Variants in FGF12 observed in about 807,000 individuals in gnomAD.
FGF12 encodes fibroblast growth factor 12B.
Under a neutral mutation model 23.6 loss-of-function variants are expected in FGF12, and 14 were observed. The ratio of observed to expected loss-of-function variants is 0.59; its 90% CI spans 0.39 to 0.93. The LOEUF (loss-of-function observed/expected upper bound fraction) is 0.93. Among genes scored for constraint, FGF12 ranks in the 40% least tolerant of loss-of-function variants. The pLI, the probability that FGF12 is intolerant of heterozygous loss-of-function variation, is 0.00. For missense variants in FGF12, 175 were observed against 217.8 expected, an observed-to-expected ratio of 0.80 and a Z score of 1.24; for synonymous variants, 62 against 77.3, an observed-to-expected ratio of 0.80 and a Z score of 1.04.
intron 2 of FGF12, among the ~76,000 whole-genome samples, chr3:192,368,064 C>A (rs569550962): frequency 6.6e-6 from 1 of 152,016 alleles, no homozygotes; most frequent in Admixed American, 6.6e-5. Context: ...AAGGGATAAT[C>A]GGTGCATGCT....
At chr3:192,419,607 G>A (rs1273425354) in intron 2 of FGF12, among the ~76,000 whole-genome samples, 1 of 152,128 alleles carries the variant, frequency 6.6e-6, no homozygotes, top group Non-Finnish European at 1.5e-5. Flanking sequence ...AATGATTAAG[G>A]TCAGCATTGC....
chr3:192,181,757 A>G, intron 4 of FGF12, among the ~76,000 whole-genome samples: 1 of 151,394 alleles, frequency 6.6e-6, no homozygotes. Context: ...CAGCCTCCCA[A>G]GTAGCTGGGA....
intron 2 of FGF12, among the ~76,000 whole-genome samples, chr3:192,683,442 G>A (rs1717616979): frequency 6.6e-6 from 1 of 152,188 alleles, no homozygotes; most frequent in African/African-American, 2.4e-5. Context: ...CAGCATCGGT[G>A]TTATGTGATT....
chr3:192,506,220 A>G (rs533713826), intron 2 of FGF12, among the ~76,000 whole-genome samples: 3 of 152,356 alleles, frequency 2.0e-5, no homozygotes, highest in South Asian at 4.1e-4. Flanking sequence ...CTTGTGGAAG[A>G]GAAGTTGGGG....
intron 2 of FGF12, among the ~76,000 whole-genome samples, chr3:192,553,767 G>A (rs1332055183): frequency 3.9e-5 from 6 of 152,042 alleles, no homozygotes; most frequent in African/African-American, 9.7e-5. Flanking sequence ...GGGAGGAAAC[G>A]AAAAGACTAA....
At chr3:192,246,351 C>T (rs1448720207) in intron 4 of FGF12, among the ~76,000 whole-genome samples, 1 of 151,974 alleles carries the variant, frequency 6.6e-6, no homozygotes, top group Non-Finnish European at 1.5e-5. Context: ...TATAAATGGG[C>T]CAAACATTAT....
intron 2 of FGF12, among the ~76,000 whole-genome samples, chr3:192,448,665 C>G (rs1343521695): frequency 6.6e-6 from 1 of 152,160 alleles, no homozygotes; most frequent in Non-Finnish European, 1.5e-5. Flanking sequence ...TTATTTCCTT[C>G]TGTATGGTCT....
At chr3:192,437,719 C>CAA (rs371838869) in intron 2 of FGF12, among the ~76,000 whole-genome samples, 48 of 125,520 alleles carry the variant, frequency 3.8e-4, no homozygotes, top group African/African-American at 1.6e-3. Context: ...AACAAACAAA[C>CAA]AAAAAAAAAA....
At chr3:192,338,304 C>T (rs1456035723) in intron 3 of FGF12, among the ~76,000 whole-genome samples, 1 of 152,154 alleles carries the variant, frequency 6.6e-6, no homozygotes, top group East Asian at 1.9e-4. Flanking sequence ...AGGCTGGTCT[C>T]GAACTCCTGA....
chr3:192,168,904 C>A (rs1470363747), intron 5 of FGF12, among the ~76,000 whole-genome samples: 1 of 152,050 alleles, frequency 6.6e-6, no homozygotes. Context: ...TTTAGTTCTA[C>A]TTGAAGAAAG....
intron 2 of FGF12, among the ~76,000 whole-genome samples, chr3:192,464,461 A>G (rs1722950533): frequency 6.7e-6 from 1 of 149,346 alleles, no homozygotes; most frequent in South Asian, 2.1e-4. Context: ...TGTGAATGCC[A>G]TTATTTCATT....
rs188284930 is a variant in FGF12 at position 192,231,631 on chromosome 3, G to T, written c.229-60975C>A. On this transcript the variant is annotated intron_variant, in intron 4 of 5. Transcript: ENST00000445105. ...CTAAAAATACAAAAATTAGCCAGGG[G>T]TGTTGGTGGGTGCCTGTAATCCCAG... Among the ~76,000 whole-genome samples the T allele has an allele frequency of 1.3e-4, 20 of 152,100 alleles. No individual in the cohort carries two copies. In the East Asian group the frequency reaches 3.3e-3, roughly 25 times the overall value.
chr3:192,157,335 T>A (rs190809378), intron 5 of FGF12, among the ~76,000 whole-genome samples: 3,011 of 152,262 alleles, frequency 0.02, 98 homozygotes, highest in African/African-American at 0.069. Context: ...CATAATATAT[T>A]GACTCTGTGA....
intron 2 of FGF12, among the ~76,000 whole-genome samples, chr3:192,642,878 C>T (rs1715858902): frequency 6.6e-6 from 1 of 152,246 alleles, no homozygotes; most frequent in South Asian, 2.1e-4. Context: ...TGATGAGGAG[C>T]TTCATGGGGA....
intron 4 of FGF12, among the ~76,000 whole-genome samples, chr3:192,329,552 G>T (rs1717000127): frequency 6.6e-6 from 1 of 152,040 alleles, no homozygotes. Flanking sequence ...AATATAAAAA[G>T]ATGTGAGTCA....
intron 2 of FGF12, among the ~76,000 whole-genome samples, chr3:192,627,269 A>G (rs958408196): frequency 1.3e-5 from 2 of 152,004 alleles, no homozygotes; most frequent in Non-Finnish European, 2.9e-5. Flanking sequence ...ACATTGTCTC[A>G]GGGGCATTTC....
At chr3:192,370,873 C>T (rs12636218) in intron 2 of FGF12, among the ~76,000 whole-genome samples, 6,212 of 152,228 alleles carry the variant, frequency 0.041, 452 homozygotes, top group East Asian at 0.36. Context: ...ATCCCAAATC[C>T]GAATCCGAAT....
chr3:192,389,808 T>C (rs1720215356), intron 2 of FGF12, among the ~76,000 whole-genome samples: 2 of 152,182 alleles, frequency 1.3e-5, no homozygotes, highest in African/African-American at 2.4e-5. Flanking sequence ...GAGGAACAAA[T>C]GGTGAAATAA....
At chr3:192,351,248 G>A (rs1008873075) in intron 3 of FGF12, among the ~76,000 whole-genome samples, 1 of 152,068 alleles carries the variant, frequency 6.6e-6, no homozygotes, top group African/African-American at 2.4e-5. Flanking sequence ...TCATTTTACA[G>A]AGTAGAAAAC....
Sources: gnomAD v4.1 joint callset for allele counts (sites outside exome capture counted in the v4.1 genomes callset) on GRCh38, gnomAD v4.1.1 for gene constraint, MANE v1.5 for transcripts, NCBI Gene and HGNC (gene_info 2026-07-23, HGNC 2026-07-21) for gene names.